Variants in FBXL13 observed in about 807,000 individuals in gnomAD.
FBXL13 encodes F-box and leucine rich repeat protein 13.
FBXL13 carries 67 observed loss-of-function variants against 83.6 expected under a neutral mutation model. The ratio of observed to expected loss-of-function variants is 0.80; its 90% CI spans 0.66 to 0.98. The LOEUF (loss-of-function observed/expected upper bound fraction) is 0.98. Ranked by LOEUF, FBXL13 falls within the 50% of genes least tolerant of loss-of-function variation. FBXL13 has a pLI of 0.00. For synonymous variants in FBXL13, 272 were observed against 299.5 expected, an observed-to-expected ratio of 0.91 and a Z score of 0.95; for missense variants, 822 against 866.5, an observed-to-expected ratio of 0.95 and a Z score of 0.64.
chr7:102,883,268 C>A, intron 14 of FBXL13, 37 bp downstream of exon 15: 1 of 1,573,638 alleles, frequency 6.4e-7, no homozygotes, highest in South Asian at 1.2e-5. Context: ...ACTAGATAAT[C>A]AACGTTTCTT....
chr7:102,912,684 C>CG (rs1554452560), intron 11 of FBXL13, among the ~76,000 whole-genome samples: 3,507 of 114,008 alleles, frequency 0.031, 165 homozygotes, highest in Middle Eastern at 0.046. Context: ...CCCCCCCCCC[C>CG]AAAAAAAAAC....
chr7:102,875,137 A>G (rs1286493338), intron 16 of FBXL13, among the ~76,000 whole-genome samples: 3 of 152,102 alleles, frequency 2.0e-5, no homozygotes, highest in Non-Finnish European at 4.4e-5. Flanking sequence ...TTCTGCTCCT[A>G]TGTGTCAGGA....
intron 7 of FBXL13, 80 bp from the exon 9 acceptor site, chr7:102,963,745 G>A: frequency 7.2e-7 from 1 of 1,383,050 alleles, no homozygotes; most frequent in South Asian, 1.4e-5. Context: ...ATAGACAAAT[G>A]TGACCTAATT....
intron 16 of FBXL13, among the ~76,000 whole-genome samples, chr7:102,864,498 A>G (rs900494402): frequency 1.3e-5 from 2 of 151,980 alleles, no homozygotes; most frequent in African/African-American, 4.8e-5. Flanking sequence ...CCTCCCAAAT[A>G]GCTGTGATTA....
intron 10 of FBXL13, among the ~76,000 whole-genome samples, chr7:102,917,912 G>A (rs769485510): frequency 3.1e-4 from 47 of 152,172 alleles, no homozygotes; most frequent in Non-Finnish European, 5.6e-4. Context: ...CCTGGAATGG[G>A]CATGAGCTTT....
chr7:102,934,025 G>C (rs371111044), intron 8 of FBXL13: 4 of 1,614,076 alleles, frequency 2.5e-6, no homozygotes, highest in Non-Finnish European at 3.4e-6. Flanking sequence ...GGCGGGTGGA[G>C]GCCGGAGAGG....
At chr7:103,037,811 A>T (rs1795219655) in intron 2 of FBXL13, among the ~76,000 whole-genome samples, 1 of 152,058 alleles carries the variant, frequency 6.6e-6, no homozygotes, top group Admixed American at 6.5e-5. Flanking sequence ...TGTCTGTAAA[A>T]GAATATTTTT....
At chr7:102,957,749 A>G (rs941429753) in intron 8 of FBXL13, among the ~76,000 whole-genome samples, 13 of 152,224 alleles carry the variant, frequency 8.5e-5, no homozygotes, top group Non-Finnish European at 1.6e-4. Context: ...ACTTCTTAAA[A>G]GAAGATATCT....
intron 6 of FBXL13, among the ~76,000 whole-genome samples, chr7:102,969,753 G>C (rs113093062): frequency 0.025 from 3,589 of 146,330 alleles, 157 homozygotes; most frequent in East Asian, 0.16. Context: ...AGCTGAGATT[G>C]GACCACTGCA....
chr7:103,020,671 C>T (rs975137210), intron 6 of FBXL13, among the ~76,000 whole-genome samples: 1 of 152,202 alleles, frequency 6.6e-6, no homozygotes, highest in African/African-American at 2.4e-5. Context: ...AAAACACAAG[C>T]ATTCCTATAC....
intron 1 of FBXL13, among the ~76,000 whole-genome samples, chr7:103,070,766 G>A (rs556276825): frequency 6.6e-6 from 1 of 152,230 alleles, no homozygotes; most frequent in African/African-American, 2.4e-5. Context: ...GCTAGAGGGA[G>A]GCTCTTCTAA....
At chr7:102,838,364 T>C (rs1802360846) in intron 17 of FBXL13, among the ~76,000 whole-genome samples, 1 of 152,148 alleles carries the variant, frequency 6.6e-6, no homozygotes, top group South Asian at 2.1e-4. Context: ...TAGCAGTCAG[T>C]AGATAGTAGC....
chr7:103,030,489 G>T (rs1794391372), intron 2 of FBXL13, among the ~76,000 whole-genome samples: 1 of 152,150 alleles, frequency 6.6e-6, no homozygotes, highest in Admixed American at 6.5e-5. Flanking sequence ...TAAAAACCAA[G>T]AAGGGGATGA....
chr7:103,048,394 C>T (rs905305592), intron 2 of FBXL13, among the ~76,000 whole-genome samples: 5 of 95,878 alleles, frequency 5.2e-5, no homozygotes, highest in Non-Finnish European at 8.4e-5. Flanking sequence ...TTTGTCTTTC[C>T]TTTCTTTTTT....
At chr7:102,937,414 TG>T (rs1343897277) in intron 8 of FBXL13, among the ~76,000 whole-genome samples, 1 of 145,882 alleles carries the variant, frequency 6.9e-6, no homozygotes. Flanking sequence ...GGCTGAGCCA[TG>T]AGAATCGCTT....
rs75825884 is a variant in FBXL13 at position 102,813,573 on chromosome 7, C to T, written c.2019-42G>A. 5.9e-3 allele frequency: 9,272 copies of T among 1,576,930 alleles called. 464 individuals carry two copies. In the African/African-American group the frequency reaches 0.11, roughly 19 times the overall value. ...TAGCATTAGCTAGTTGCAGAAGTAA[C>T]CCCTAGTGCAAAATTTTCAAACTCA... On this transcript the variant is annotated intron_variant, in intron 19 of 19. Coordinates refer to ENST00000313221, the Ensembl canonical transcript of FBXL13.
chr7:102,901,176 G>A (rs1812920736), intron 11 of FBXL13, among the ~76,000 whole-genome samples: 1 of 152,218 alleles, frequency 6.6e-6, no homozygotes, highest in African/African-American at 2.4e-5. Context: ...AGAGAAGCTT[G>A]AAATCTAGAA....
chr7:103,053,681 A>G (rs1797056518), intron 2 of FBXL13, among the ~76,000 whole-genome samples: 1 of 152,168 alleles, frequency 6.6e-6, no homozygotes, highest in Non-Finnish European at 1.5e-5. Context: ...GGCATACACA[A>G]CCCAGAATCC....
At position 102,909,663 on chromosome 7, in the gene FBXL13, A is replaced by G. The variant is rs145494103; in HGVS notation, c.1008+3423T>C. ...GGCAGCAGGTTCCCTTCTGGCCCAG[A>G]GTGTGTCTAGAAATGTAACTTGGGA... On this transcript the variant is annotated intron_variant, in intron 11 of 19. Transcript: ENST00000313221. Among the ~76,000 whole-genome samples, 567 of 152,210 alleles carry G rather than the reference A, an allele frequency of 3.7e-3. 5 individuals carry two copies. Among genetic ancestry groups the G allele is most frequent in the African/African-American group, 0.013 (560 of 41,524 alleles).
Sources: allele counts gnomAD v4.1 joint callset (sites outside exome capture counted in the v4.1 genomes callset), GRCh38; gene constraint gnomAD v4.1.1; transcripts MANE v1.5; gene names NCBI Gene and HGNC (gene_info 2026-07-23, HGNC 2026-07-21).